CALCR: variants seen among roughly 807,000 people sequenced by gnomAD.
CALCR encodes the protein calcitonin receptor.
In CALCR, 47 loss-of-function variants were observed where a neutral mutation model predicts 59.5. The observed-to-expected ratio is 0.79, with a 90% CI of 0.63 to 1.01. The LOEUF is 1.01. Ranked by LOEUF, CALCR falls within the 50% of genes least tolerant of loss-of-function variation. CALCR has a pLI of 0.00. For missense variants in CALCR, 566 were observed against 597.1 expected (o/e 0.95, Z 0.54); for synonymous variants, 213 against 211.3 (o/e 1.01, Z -0.07).
intron 2 of CALCR, among the ~76,000 whole-genome samples, chr7:93,567,061 T>C (rs905450937): frequency 3.3e-5 from 5 of 152,202 alleles, no homozygotes; most frequent in African/African-American, 1.2e-4. Context: ...AGAGGGCTGT[T>C]GGGAAACAGT....
intron 13 of CALCR, among the ~76,000 whole-genome samples, chr7:93,428,571 C>G (rs1234376350): frequency 6.6e-6 from 1 of 152,190 alleles, no homozygotes; most frequent in African/African-American, 2.4e-5. Context: ...GAGGCCGAGG[C>G]GGGCAGATCA....
intron 8 of CALCR, among the ~76,000 whole-genome samples, chr7:93,444,437 G>A (rs1799972482): frequency 6.6e-6 from 1 of 152,064 alleles, no homozygotes; most frequent in Non-Finnish European, 1.5e-5. Context: ...TGCTTGTACT[G>A]CATAATGGAA....
At chr7:93,434,388 T>TAAA in intron 12 of CALCR, 94 bp from the exon 13 acceptor site, 18 of 545,626 alleles carry the variant, frequency 3.3e-5, no homozygotes, top group Admixed American at 1.8e-4. Context: ...GAAGGCCTGA[T>TAAA]GAAAAAAAAA....
chr7:93,527,675 T>C (rs1788705043), intron 2 of CALCR, among the ~76,000 whole-genome samples: 1 of 152,170 alleles, frequency 6.6e-6, no homozygotes, highest in Non-Finnish European at 1.5e-5. Flanking sequence ...TTCAAAATGC[T>C]GTCTAGGGAT....
At chr7:93,559,616 C>CA in intron 2 of CALCR, 1 of 147,548 alleles carries the variant, frequency 6.8e-6, no homozygotes, top group South Asian at 2.2e-4. Context: ...GTACTTAAAA[C>CA]TTTTTTTTTT....
At chr7:93,467,792 T>C (rs569962578) in intron 7 of CALCR, among the ~76,000 whole-genome samples, 1 of 151,728 alleles carries the variant, frequency 6.6e-6, no homozygotes, top group South Asian at 2.1e-4. Context: ...ACCATGACTA[T>C]TATTACTACC....
chr7:93,439,211 A>G (rs1799847517), intron 9 of CALCR, among the ~76,000 whole-genome samples: 2 of 152,162 alleles, frequency 1.3e-5, no homozygotes, highest in Non-Finnish European at 2.9e-5. Context: ...GGGTCTCAAA[A>G]TATTGAATTT....
At chr7:93,550,180 A>T (rs971743528) in intron 2 of CALCR, among the ~76,000 whole-genome samples, 2 of 152,130 alleles carry the variant, frequency 1.3e-5, no homozygotes, top group African/African-American at 4.8e-5. Flanking sequence ...CCTTTAAAGA[A>T]AAATTAGTGA....
chr7:93,467,962 C>T (rs1377204368), intron 7 of CALCR, among the ~76,000 whole-genome samples: 1 of 151,436 alleles, frequency 6.6e-6, no homozygotes, highest in Admixed American at 6.6e-5. Context: ...AATACACATA[C>T]AGTTTACTCT....
chr7:93,486,855 T>G, intron 3 of CALCR, 76 bp downstream of exon 3: 1 of 926,752 alleles, frequency 1.1e-6, no homozygotes, highest in Non-Finnish European at 1.7e-6. Flanking sequence ...AAATACTAAT[T>G]AAATCACACT....
intron 2 of CALCR, among the ~76,000 whole-genome samples, chr7:93,519,637 T>C (rs1332647439): frequency 6.6e-6 from 1 of 152,034 alleles, no homozygotes; most frequent in Non-Finnish European, 1.5e-5. Context: ...TATAATATAG[T>C]CTGTGATATG....
At chr7:93,446,222 A>G (rs778255483) in intron 8 of CALCR, among the ~76,000 whole-genome samples, 3 of 152,076 alleles carry the variant, frequency 2.0e-5, no homozygotes, top group African/African-American at 2.4e-5. Flanking sequence ...AAAAGCTCAC[A>G]CAAATTTTAA....
chr7:93,431,974 T>C (rs921245124), intron 13 of CALCR, among the ~76,000 whole-genome samples: 3 of 152,178 alleles, frequency 2.0e-5, no homozygotes, highest in Non-Finnish European at 4.4e-5. Flanking sequence ...GGATAATCAA[T>C]GTCCACTCAC....
chr7:93,442,764 T>C (rs1017544509), intron 9 of CALCR, among the ~76,000 whole-genome samples: 1 of 152,154 alleles, frequency 6.6e-6, no homozygotes, highest in African/African-American at 2.4e-5. Flanking sequence ...GAGAAGCCCT[T>C]GGCTCTATAG....
intron 2 of CALCR, among the ~76,000 whole-genome samples, chr7:93,516,675 A>T (rs17165533): frequency 6.6e-6 from 1 of 151,874 alleles, no homozygotes; most frequent in African/African-American, 2.4e-5. Context: ...GAAGTATGTT[A>T]CATGTATATA....
At chr7:93,472,901 C>T (rs1458326778) in intron 5 of CALCR, among the ~76,000 whole-genome samples, 1 of 151,752 alleles carries the variant, frequency 6.6e-6, no homozygotes, top group Non-Finnish European at 1.5e-5. Context: ...CAAGAACATA[C>T]CTTTCTTTAT....
chr7:93,519,951 T>TA (rs1402091153), intron 2 of CALCR, among the ~76,000 whole-genome samples: 1 of 152,054 alleles, frequency 6.6e-6, no homozygotes, highest in Admixed American at 6.6e-5. Context: ...CTTTCCTCTA[T>TA]AAATTACCCA....
At chr7:93,483,408 TATAGATAGATAGATAG>T (rs71782849) in intron 3 of CALCR, among the ~76,000 whole-genome samples, 39 of 140,884 alleles carry the variant, frequency 2.8e-4, no homozygotes, top group Non-Finnish European at 4.2e-4. Context: ...GGGCTGACTG[TATAGATAGATAGATAG>T]ATAGATAGAT....
At chr7:93,481,690 G>T (rs1432535377) in intron 3 of CALCR, among the ~76,000 whole-genome samples, 1 of 151,832 alleles carries the variant, frequency 6.6e-6, no homozygotes, top group African/African-American at 2.4e-5. Context: ...TAACATTACT[G>T]TGATAACTTC....
Sources: allele counts gnomAD v4.1 joint callset (sites outside exome capture counted in the v4.1 genomes callset), GRCh38; gene constraint gnomAD v4.1.1; transcripts MANE v1.5; gene names NCBI Gene and HGNC (gene_info 2026-07-23, HGNC 2026-07-21).